The following BOK variants were observed in gnomAD, a reference collection of about 807,000 sequenced individuals.
BOK encodes the protein BCL2 family apoptosis regulator BOK, also known as bcl-2-related ovarian killer protein.
BOK carries 20 observed loss-of-function variants against 18.3 expected under a neutral mutation model. The observed-to-expected ratio is 1.09, with a 90% confidence interval of 0.77 to 1.59. The LOEUF (loss-of-function observed/expected upper bound fraction) is 1.59. Among genes scored for constraint, BOK ranks in the 40% most tolerant of loss-of-function variants. The pLI is 0.00. For missense variants in BOK, 348 were observed against 307.9 expected, an observed-to-expected ratio of 1.13 and a Z score of -0.97; for synonymous variants, 173 against 142.4, an observed-to-expected ratio of 1.21 and a Z score of -1.53.
At chr2:241,568,275 C>T (rs1014865171) in intron 3 of BOK, among the ~76,000 whole-genome samples, 2 of 152,140 alleles carry the variant, frequency 1.3e-5, no homozygotes, top group African/African-American at 4.8e-5. Flanking sequence ...CACCAGCCGC[C>T]ATGCCCGGCT....
At chr2:241,567,625 G>A (rs1324182975) in intron 3 of BOK, among the ~76,000 whole-genome samples, 1 of 134,304 alleles carries the variant, frequency 7.4e-6, no homozygotes, top group Admixed American at 7.4e-5. Context: ...GGGCACCTTC[G>A]AGGTTGGGGT....
chr2:241,553,676 T>C (rs1458560257), intron 1 of BOK, among the ~76,000 whole-genome samples: 1 of 152,150 alleles, frequency 6.6e-6, no homozygotes, highest in Non-Finnish European at 1.5e-5. Context: ...TCACGAGCAC[T>C]GCAAATCAGC....
chr2:241,567,550 G>A (rs1001863727), intron 3 of BOK, among the ~76,000 whole-genome samples: 1 of 135,150 alleles, frequency 7.4e-6, no homozygotes, highest in Non-Finnish European at 1.6e-5. Context: ...ACAGCCCCAC[G>A]TGCTGGGGAA....
intron 3 of BOK, among the ~76,000 whole-genome samples, chr2:241,567,793 G>A (rs1479709589): frequency 1.5e-5 from 2 of 134,638 alleles, no homozygotes; most frequent in Admixed American, 7.4e-5. Context: ...TTTAATTGAC[G>A]TTAAACTCAC....
chr2:241,562,262 G>A lies in BOK; in HGVS notation c.221-86G>A. The stretch of plus-strand genomic sequence containing the variant: ...GGAATTCAAGCATGGTCAGGTGGGG[G>A]TCAGGTGCAGGGTGTGCCCCAAGCC... On this transcript the variant is annotated intron_variant, in intron 2 of 4. Transcript: ENST00000318407. The surrounding 1 kb of genome is among the most constrained non-coding windows in gnomAD (Gnocchi z 4.5). 1.4e-6 allele frequency: 2 copies of A among 1,473,556 alleles called. No homozygotes were observed. Among genetic ancestry groups the A allele is most frequent in the African/African-American group, 2.8e-5 (2 of 71,176 alleles). 91.3% of individuals were successfully genotyped at this position (1,473,556 alleles called of 1,614,324 possible).
intron 1 of BOK, among the ~76,000 whole-genome samples, chr2:241,553,219 C>T (rs1342335911): frequency 1.3e-5 from 2 of 152,126 alleles, no homozygotes; most frequent in African/African-American, 4.8e-5. Flanking sequence ...GGCACGATCT[C>T]AGCTCACTGC....
chr2:241,571,681 G>A (rs543386300), intron 4 of BOK, among the ~76,000 whole-genome samples: 35 of 152,328 alleles, frequency 2.3e-4, no homozygotes, highest in African/African-American at 6.3e-4. Flanking sequence ...TTTGAGCAAC[G>A]CCAAGGCCAC....
At chr2:241,572,169 A>G in intron 4 of BOK, 128 bp from the exon 5 acceptor site, 2 of 1,408,114 alleles carry the variant, frequency 1.4e-6, no homozygotes, top group East Asian at 5.0e-5. Context: ...CTCCTTCCCG[A>G]ACAGTCTCCT....
At chr2:241,561,362 G>A (rs2066525053) in intron 2 of BOK, among the ~76,000 whole-genome samples, 2 of 152,258 alleles carry the variant, frequency 1.3e-5, no homozygotes, top group South Asian at 4.1e-4. Flanking sequence ...CTGATGCAGT[G>A]CCACCTCCAA....
upstream of BOK, chr2:241,558,720 T>C (rs994920510): frequency 2.0e-5 from 3 of 152,184 alleles, no homozygotes; most frequent in African/African-American, 7.2e-5. Context: ...GCCTTTCCCT[T>C]AGAAGGCCAA....
upstream of BOK, among the ~76,000 whole-genome samples, chr2:241,557,422 G>T (rs964352996): frequency 6.7e-6 from 1 of 149,268 alleles, no homozygotes; most frequent in Non-Finnish European, 1.5e-5. Flanking sequence ...CAATTCTCCT[G>T]CCTCAGCCTC....
At chr2:241,554,109 G>C (rs1235603836), upstream of BOK, among the ~76,000 whole-genome samples, 27 of 152,228 alleles carry the variant, frequency 1.8e-4, 1 homozygote, top group Admixed American at 1.8e-3. Flanking sequence ...GGGAGGGAGG[G>C]CTCAGCTCAG....
intron 2 of BOK, among the ~76,000 whole-genome samples, chr2:241,561,875 A>G (rs1449126604): frequency 6.6e-6 from 1 of 151,978 alleles, no homozygotes; most frequent in Non-Finnish European, 1.5e-5. Context: ...CTCTCACCCC[A>G]ATGCTTTCTC....
upstream of BOK, among the ~76,000 whole-genome samples, chr2:241,554,711 A>C (rs1260267658): frequency 6.6e-6 from 1 of 152,194 alleles, no homozygotes; most frequent in Non-Finnish European, 1.5e-5. Flanking sequence ...CTGCAATTAC[A>C]CCAGGACAGT....
In BOK at chr2:241,570,287, G is replaced by T; in HGVS notation, c.512G>T (p.Trp171Leu). 1 of 1,553,432 alleles carries T rather than the reference G, an allele frequency of 6.4e-7. No homozygotes were observed. Among genetic ancestry groups the T allele is most frequent in the South Asian group, 1.2e-5 (1 of 84,614 alleles). ...LATWLRRRGGWTDVLKCVVST... is the reference protein window; with the variant it reads ...LATWLRRRGGLTDVLKCVVST... ...ACCTGGCTGCGGAGACGCGGCGGAT[G>T]GGTGAGCGCCTGAGTGCCCGTGTGG... Residue 171 changes from tryptophan (W) to leucine (L), a missense_variant and splice_region_variant, in exon 4 of 5, where the codon TGG becomes TTG. Transcript: ENST00000318407.
rs2066751120 is a variant in BOK at position 241,573,152 on chromosome 2, ACACTTGCTCT to A, written c.*734_*743del. 3 of 128,082 alleles carry A rather than the reference ACACTTGCTCT, an allele frequency of 2.3e-5. No homozygotes were observed. Among genetic ancestry groups the A allele is most frequent in the South Asian group, 3.3e-4 (1 of 3,036 alleles). 7.9% of individuals were successfully genotyped at this position (128,082 alleles called of 1,614,324 possible). ...TGAGCCCCTGGTGAAGGGGCCCGGA[ACACTTGCTCT>A]CACCTGAGCCCCAGGTGAAGGGGCC... On this transcript the variant is annotated 3_prime_UTR_variant, in exon 5 of 5. Transcript: ENST00000318407.
At chr2:241,554,123 C>T (rs186744672), upstream of BOK, among the ~76,000 whole-genome samples, 3 of 152,354 alleles carry the variant, frequency 2.0e-5, no homozygotes, top group Admixed American at 6.5e-5. Flanking sequence ...AGCTCAGTCT[C>T]CAAGGCGGCA....
upstream of BOK, among the ~76,000 whole-genome samples, chr2:241,556,760 T>A (rs2066454695): frequency 6.6e-6 from 1 of 152,154 alleles, no homozygotes; most frequent in African/African-American, 2.4e-5. Context: ...CCTCATAAAA[T>A]GAGTTGGGAA....
chr2:241,554,121 C>G (rs1209356573), upstream of BOK, among the ~76,000 whole-genome samples: 1 of 152,246 alleles, frequency 6.6e-6, no homozygotes, highest in Non-Finnish European at 1.5e-5. Context: ...TCAGCTCAGT[C>G]TCCAAGGCGG....
Sources: allele counts gnomAD v4.1 joint callset (sites outside exome capture counted in the v4.1 genomes callset), GRCh38; gene constraint gnomAD v4.1.1; non-coding constraint Gnocchi (gnomAD v3.1); transcripts MANE v1.5; gene names NCBI Gene and HGNC (gene_info 2026-07-23, HGNC 2026-07-21).